Variants in PM20D1 observed in about 807,000 individuals in gnomAD.
PM20D1 encodes the protein N-fatty-acyl-amino acid synthase/hydrolase PM20D1.
In PM20D1, 53 loss-of-function variants were observed where a neutral mutation model predicts 53.8. The ratio of observed to expected loss-of-function variants is 0.98; its 90% CI spans 0.79 to 1.24. The LOEUF is 1.24. PM20D1 is among the 50% of genes most tolerant of loss of function. The pLI is 0.00. For missense variants in PM20D1, 564 were observed against 616.8 expected (o/e 0.91, Z 0.91); for synonymous variants, 239 against 241.3 (o/e 0.99, Z 0.09).
At chr1:205,845,141 A>G (rs183878835) in intron 3 of PM20D1, among the ~76,000 whole-genome samples, 184 bp downstream of exon 3, 18 of 152,266 alleles carry the variant, frequency 1.2e-4, no homozygotes, top group African/African-American at 4.3e-4. Flanking sequence ...GGACCATTCA[A>G]TCCCATTTAC....
chr1:205,840,140 G>A, intron 10 of PM20D1, 112 bp downstream of exon 10: 1 of 835,234 alleles, frequency 1.2e-6, no homozygotes, highest in Non-Finnish European at 1.7e-6. Context: ...AAAAATGTTG[G>A]TTGAATAAAT....
Position 205,844,867 on chromosome 1 carries a change from T to A in PM20D1, c.520A>T (p.Ile174Phe), listed in dbSNP as rs138621536. The A allele has an allele frequency of 1.2e-3, 1,869 of 1,613,908 alleles. 9 individuals are homozygous for A. Among genetic ancestry groups the A allele is most frequent in the South Asian group, 1.7e-3 (156 of 91,074 alleles). The change falls in exon 4 of 13, where the codon ATC becomes TTC. Residue 174 changes from isoleucine to phenylalanine, a missense_variant. Transcript: ENST00000367136. Reference protein sequence around the residue: ...ALLQALELLLIRKYIPRRSFF... With the variant: ...ALLQALELLLFRKYIPRRSFF... The stretch of plus-strand genomic sequence containing the variant: ...GATCTTCGGGGGATGTACTTCCTGA[T>A]CAGCAGGAGCTCCAAGGCCTGCAGT...
chr1:205,829,404 G>C (rs823083), intron 12 of PM20D1, among the ~76,000 whole-genome samples: 93,012 of 151,814 alleles, frequency 0.61, 28,938 homozygotes, highest in Non-Finnish European at 0.65. Context: ...GTCTCCTACT[G>C]TCCCACTTAC....
chr1:205,845,449 A>T lies in PM20D1; in HGVS notation c.365T>A (p.Leu122Gln), dbSNP rs140291447. ...AGGCACCACATCAAAGTGAGCCATC[A>T]GCAGGTAGGGCTGCAAGCTGGGGTC... ...GSDPSLQPYL[L>Q]MAHFDVVPAP... The change falls in exon 3 of 13, where the codon CTG becomes CAG. Residue 122 changes from leucine (L) to glutamine (Q), a missense_variant. By Grantham distance (113) the Leu-to-Gln change is moderately radical. Coordinates refer to ENST00000367136, the MANE Select transcript of PM20D1 (RefSeq NM_152491.5). 6.2e-7 allele frequency: 1 copy of T among 1,614,172 alleles called. No homozygotes were observed. The highest frequency in any genetic ancestry group is 2.2e-5 in the East Asian group (1 of 44,878).
intron 12 of PM20D1, chr1:205,830,025 C>G: frequency 2.6e-6 from 1 of 389,588 alleles, no homozygotes; most frequent in Non-Finnish European, 4.7e-6. Context: ...ACCGATTCCA[C>G]CAGGTTCTCC....
At chr1:205,841,691 G>A (rs1656811673) in intron 9 of PM20D1, 120 bp downstream of exon 9, 4 of 1,046,170 alleles carry the variant, frequency 3.8e-6, no homozygotes, top group South Asian at 1.4e-5. Flanking sequence ...TCTTTGCGTG[G>A]CTAGGCTTGG....
intron 11 of PM20D1, 70 bp downstream of exon 11, chr1:205,832,528 G>A (rs1656581810): frequency 6.5e-7 from 1 of 1,536,724 alleles, no homozygotes; most frequent in Admixed American, 1.7e-5. Context: ...TGGGGGTGGG[G>A]AAGTAGACAT....
intron 4 of PM20D1, 144 bp downstream of exon 4, chr1:205,844,667 C>G: frequency 7.3e-6 from 5 of 686,516 alleles, no homozygotes; most frequent in Non-Finnish European, 1.2e-5. Context: ...CTTAGATAGT[C>G]CTGGCATACA....
chr1:205,829,226 A>G (rs1284668012), intron 12 of PM20D1, among the ~76,000 whole-genome samples: 1 of 152,046 alleles, frequency 6.6e-6, no homozygotes, highest in East Asian at 1.9e-4. Context: ...ATGGAGTCTC[A>G]TTATGTTGCC....
chr1:205,839,592 T>A (rs533027051), intron 10 of PM20D1, among the ~76,000 whole-genome samples: 1 of 151,988 alleles, frequency 6.6e-6, no homozygotes, highest in African/African-American at 2.4e-5. Flanking sequence ...ATGTCTGTAA[T>A]CCCAACCCTT....
At chr1:205,832,129 A>AG (rs1187016714) in intron 11 of PM20D1, among the ~76,000 whole-genome samples, 1 of 152,166 alleles carries the variant, frequency 6.6e-6, no homozygotes, top group Non-Finnish European at 1.5e-5. Context: ...AGGCTGCAGA[A>AG]GGGGAACAGA....
rs1656581854 is a variant in PM20D1, at chr1:205,832,532, T to TA, written c.1285+65dup. The TA allele has an allele frequency of 6.4e-6, 10 of 1,560,098 alleles. No individual in the cohort carries two copies. In the Admixed American group the frequency reaches 1.4e-4, roughly 21 times the overall value. ...AACATCTAGGGTGGGGGTGGGGAAG[T>TA]AGACATTGGATAGGAAACAGTTCCA... is the stretch of plus-strand genomic sequence containing the variant. On this transcript the variant is annotated intron_variant, in intron 11 of 12. Coordinates refer to ENST00000367136, the MANE Select transcript of PM20D1 (RefSeq NM_152491.5).
intron 8 of PM20D1, 82 bp downstream of exon 8, chr1:205,842,071 GC>G: frequency 1.4e-6 from 2 of 1,392,058 alleles, no homozygotes; most frequent in Admixed American, 3.4e-5. Flanking sequence ...GATTAGTCAG[GC>G]CCAGTTAAGC....
intron 9 of PM20D1, 21 bp downstream of exon 9, chr1:205,841,790 G>T: frequency 6.4e-7 from 1 of 1,551,588 alleles, no homozygotes; most frequent in East Asian, 2.4e-5. Context: ...AAGCTATATG[G>T]GGAGGAACCA....
In PM20D1 at chr1:205,828,036, T is replaced by C. The variant is rs531683153; in HGVS notation, c.*584A>G. On this transcript the variant is annotated 3_prime_UTR_variant, in exon 13 of 13. Coordinates refer to ENST00000367136, the MANE Select transcript of PM20D1 (RefSeq NM_152491.5). ...CAGTGACCAGCTGGTGATGCACAGA[T>C]CACTTTATTTGACTGATTATGGTGA... is the stretch of plus-strand genomic sequence containing the variant. 1.9e-4 allele frequency: 29 copies of C among 152,542 alleles called. No homozygotes were observed. Among genetic ancestry groups the C allele is most frequent in the African/African-American group, 6.7e-4 (28 of 41,566 alleles). 9.4% of individuals were successfully genotyped at this position (152,542 alleles called of 1,614,324 possible).
chr1:205,843,896 A>C (rs969510054), intron 5 of PM20D1, 110 bp from the exon 6 acceptor site: 1 of 1,497,402 alleles, frequency 6.7e-7, no homozygotes, highest in Non-Finnish European at 9.0e-7. Flanking sequence ...AGGTAGCTTC[A>C]TGCTGCTTTA....
intron 8 of PM20D1, 55 bp downstream of exon 8, chr1:205,842,099 G>T: frequency 6.5e-7 from 1 of 1,534,216 alleles, no homozygotes; most frequent in Non-Finnish European, 9.0e-7. Flanking sequence ...GAGGGGCCTG[G>T]GGGGTGGGTA....
chr1:205,835,545 G>C (rs908566246), intron 10 of PM20D1, among the ~76,000 whole-genome samples: 1 of 151,564 alleles, frequency 6.6e-6, no homozygotes, highest in African/African-American at 2.4e-5. Context: ...CCGGCTGCTC[G>C]GGAGGCTGAG....
At chr1:205,835,853 C>T (rs1463347256) in intron 10 of PM20D1, among the ~76,000 whole-genome samples, 14 of 151,738 alleles carry the variant, frequency 9.2e-5, no homozygotes, top group African/African-American at 3.1e-4. Flanking sequence ...TTAGAGCACA[C>T]GAATCTCTCA....
Sources: allele counts gnomAD v4.1 joint callset (sites outside exome capture counted in the v4.1 genomes callset), GRCh38; gene constraint gnomAD v4.1.1; transcripts MANE v1.5; gene names NCBI Gene and HGNC (gene_info 2026-07-23, HGNC 2026-07-21).